RAD51B: variants seen among roughly 807,000 people sequenced by gnomAD.
RAD51B encodes the protein DNA repair protein RAD51 homolog 2.
A neutral mutation model predicts 42.2 loss-of-function variants in RAD51B; 38 were observed. The observed-to-expected ratio is 0.90, with a 90% CI of 0.70 to 1.18. RAD51B has a LOEUF of 1.18. RAD51B is among the 50% of genes most tolerant of loss of function. The probability of loss-of-function intolerance (pLI) is 0.00; values close to 1 mark genes in which losing one functional copy is unlikely to be tolerated. For missense variants in RAD51B, 373 were observed against 400.7 expected, an observed-to-expected ratio of 0.93 and a Z score of 0.59; for synonymous variants, 154 against 145.2, an observed-to-expected ratio of 1.06 and a Z score of -0.43.
At chr14:68,644,972 ATTTT>A (rs1198473292) in intron 10 of RAD51B, among the ~76,000 whole-genome samples, 3 of 152,102 alleles carry the variant, frequency 2.0e-5, no homozygotes, top group African/African-American at 7.2e-5. Context: ...GGTTTGTTTC[ATTTT>A]TTCACTGTGT....
At chr14:68,563,718 T>C (rs1889270643) in intron 10 of RAD51B, 4 of 985,242 alleles carry the variant, frequency 4.1e-6, no homozygotes, top group Non-Finnish European at 3.6e-6. Context: ...CTTTTCTAAA[T>C]GGGAACGAAA....
At chr14:67,903,391 A>C (rs1312118320) in intron 7 of RAD51B, among the ~76,000 whole-genome samples, 1 of 152,200 alleles carries the variant, frequency 6.6e-6, no homozygotes, top group Non-Finnish European at 1.5e-5. Context: ...TAAGAAGTTA[A>C]ATAACTAATA....
chr14:68,562,651 C>A (rs1197838823), intron 10 of RAD51B: 1 of 985,384 alleles, frequency 1.0e-6, no homozygotes, highest in East Asian at 1.1e-4. Flanking sequence ...AGGACCTAAG[C>A]AAATGAGAGT....
At chr14:68,560,117 T>G (rs1342778936) in intron 10 of RAD51B, among the ~76,000 whole-genome samples, 1 of 152,164 alleles carries the variant, frequency 6.6e-6, no homozygotes, top group Non-Finnish European at 1.5e-5. Flanking sequence ...CGGAGTGACT[T>G]CTGACGAGCA....
chr14:68,325,926 GA>G (rs2082239781), intron 8 of RAD51B, among the ~76,000 whole-genome samples: 4 of 151,842 alleles, frequency 2.6e-5, no homozygotes, highest in African/African-American at 9.7e-5. Context: ...TAGGTCTGGG[GA>G]ATGGAAAAAT....
intron 7 of RAD51B, among the ~76,000 whole-genome samples, chr14:68,225,847 T>G (rs1292983035): frequency 2.6e-5 from 4 of 152,134 alleles, no homozygotes; most frequent in Non-Finnish European, 5.9e-5. Flanking sequence ...TATGAGGGAT[T>G]TGGGATAGGC....
chr14:68,478,993 G>A (rs770170692), downstream of RAD51B, among the ~76,000 whole-genome samples: 3 of 152,240 alleles, frequency 2.0e-5, no homozygotes, highest in Non-Finnish European at 2.9e-5. Context: ...TCCAAGCCCC[G>A]GGCAGCAAGG....
At chr14:68,190,967 A>G (rs1365404635) in intron 7 of RAD51B, among the ~76,000 whole-genome samples, 2 of 152,172 alleles carry the variant, frequency 1.3e-5, no homozygotes, top group Non-Finnish European at 2.9e-5. Context: ...CCTGAGAAAT[A>G]TGCATCTCTT....
intron 10 of RAD51B, among the ~76,000 whole-genome samples, chr14:68,584,191 A>ACTCT (rs879581573): frequency 1.3e-5 from 2 of 151,550 alleles, no homozygotes; most frequent in African/African-American, 2.4e-5. Flanking sequence ...ACACTCCCTG[A>ACTCT]CTCTAATCCC....
chr14:68,602,838 C>T (rs1484308653), intron 10 of RAD51B, among the ~76,000 whole-genome samples: 3 of 152,148 alleles, frequency 2.0e-5, no homozygotes, highest in African/African-American at 7.2e-5. Context: ...ATAACATTAC[C>T]CATCATGCTT....
At chr14:68,450,133 C>T (rs2085519349) in intron 9 of RAD51B, among the ~76,000 whole-genome samples, 1 of 149,430 alleles carries the variant, frequency 6.7e-6, no homozygotes, top group Non-Finnish European at 1.5e-5. Context: ...CAGTGGCCTG[C>T]CTGGTAGGCG....
Position 68,290,875 on chromosome 14 carries a change from A to C in RAD51B, c.757-1009A>C, listed in dbSNP as rs143187851. On this transcript the variant is annotated intron_variant, in intron 7 of 10. Transcript: ENST00000471583. ...AGGCTGGAGTGCAATGGCACGATCT[A>C]AGCTCACTGCAACCTCGGCCTGCCG... is the stretch of plus-strand genomic sequence containing the variant. 2.9e-3 allele frequency among the ~76,000 whole-genome samples: 439 copies of C among 151,914 alleles called. 12 individuals carry two copies. The East Asian group carries it at 0.049, about 17-fold the overall frequency.
At position 68,191,503 on chromosome 14, in the gene RAD51B, A is replaced by G. The variant is rs76713625; in HGVS notation, c.757-100381A>G. Among the ~76,000 whole-genome samples the G allele has an allele frequency of 6.3e-3, 958 of 152,324 alleles. 10 individuals carry two copies. The highest frequency in any genetic ancestry group is 0.021 in the African/African-American group (892 of 41,568). ...GTTTTCATCTGTTATGGTCATGGGG[A>G]AAATATTTCTTTGAATTCGGTCCTG... On this transcript the variant is annotated intron_variant, in intron 7 of 10. Transcript: ENST00000471583.
chr14:68,555,972 A>G (rs916896579), intron 10 of RAD51B, among the ~76,000 whole-genome samples: 3 of 152,248 alleles, frequency 2.0e-5, no homozygotes, highest in Non-Finnish European at 4.4e-5. Context: ...TCTGAAAAGA[A>G]TTCTAAAGGT....
At position 68,162,023 on chromosome 14, in the gene RAD51B, A is replaced by G. The variant is rs574820637; in HGVS notation, c.757-129861A>G. Among the ~76,000 whole-genome samples, 9 of 152,316 alleles carry G rather than the reference A, an allele frequency of 5.9e-5. No individual in the cohort carries two copies. In the East Asian group the frequency reaches 1.7e-3, roughly 29 times the overall value. On this transcript the variant is annotated intron_variant, in intron 7 of 10. Coordinates refer to ENST00000471583, the MANE Select transcript of RAD51B (RefSeq NM_133510.4). ...ACAGAACAATTCCTCACAACAAAGA[A>G]TTACCCAGCCTAAAATGTCAGTAGT...
chr14:68,537,440 A>G (rs1452935663), intron 10 of RAD51B, among the ~76,000 whole-genome samples: 1 of 151,704 alleles, frequency 6.6e-6, no homozygotes, highest in Non-Finnish European at 1.5e-5. Flanking sequence ...TGGAGCTTGC[A>G]GTGAGCCGAG....
At chr14:68,118,142 T>A (rs2077581918) in intron 7 of RAD51B, among the ~76,000 whole-genome samples, 1 of 152,208 alleles carries the variant, frequency 6.6e-6, no homozygotes, top group Admixed American at 6.5e-5. Flanking sequence ...TATTAAAAAA[T>A]CTATATCAGA....
chr14:68,459,763 C>G (rs1272010713), intron 9 of RAD51B, among the ~76,000 whole-genome samples: 1 of 152,234 alleles, frequency 6.6e-6, no homozygotes, highest in Non-Finnish European at 1.5e-5. Context: ...ATTACATTGT[C>G]TCTGGGCCCC....
At chr14:68,307,376 C>T (rs1300951291) in intron 8 of RAD51B, among the ~76,000 whole-genome samples, 3 of 152,166 alleles carry the variant, frequency 2.0e-5, no homozygotes, top group Admixed American at 1.3e-4. Context: ...CCAGGTTGAA[C>T]GAGAGCACAC....
Sources: allele counts gnomAD v4.1 joint callset (sites outside exome capture counted in the v4.1 genomes callset), GRCh38; gene constraint gnomAD v4.1.1; transcripts MANE v1.5; gene names NCBI Gene and HGNC (gene_info 2026-07-23, HGNC 2026-07-21).